Variants in CTDSPL observed in about 807,000 individuals in gnomAD.
The protein encoded by CTDSPL is CTD small phosphatase like.
Under a neutral mutation model 30.5 loss-of-function variants are expected in CTDSPL, and 8 were observed. The observed-to-expected ratio is 0.26, with a 90% CI of 0.15 to 0.47. The LOEUF (loss-of-function observed/expected upper bound fraction) is 0.47, where lower values mean the gene tolerates loss of function less well. Among genes scored for constraint, CTDSPL ranks in the 20% least tolerant of loss-of-function variants. The pLI is 0.99. For missense variants in CTDSPL, 248 were observed against 366.1 expected (o/e 0.68, Z 2.63); for synonymous variants, 110 against 137.9 (o/e 0.80, Z 1.42).
At chr3:37,964,435 T>C in intron 3 of CTDSPL, 136 bp from the exon 4 acceptor site, 1 of 557,242 alleles carries the variant, frequency 1.8e-6, no homozygotes. Flanking sequence ...AGTTGCAAAC[T>C]ACTTATTCCT....
chr3:37,870,835 G>A (rs1486967510), intron 1 of CTDSPL, among the ~76,000 whole-genome samples: 1 of 151,974 alleles, frequency 6.6e-6, no homozygotes, highest in African/African-American at 2.4e-5. Context: ...CAGCCATATT[G>A]AGCAGAAAGC....
intron 1 of CTDSPL, among the ~76,000 whole-genome samples, chr3:37,880,812 A>G (rs1338064746): frequency 1.3e-5 from 2 of 152,178 alleles, no homozygotes; most frequent in African/African-American, 4.8e-5. Flanking sequence ...ATCTCATTGT[A>G]TTGGTCAGAG....
chr3:37,884,699 G>C (rs1411054858), intron 1 of CTDSPL, among the ~76,000 whole-genome samples: 1 of 152,196 alleles, frequency 6.6e-6, no homozygotes, highest in Admixed American at 6.5e-5. Flanking sequence ...CTCAGACACA[G>C]AAGTTACCCT....
chr3:37,891,351 C>CTTCTCTGTACCCTACTTCTGT (rs1698323108), intron 1 of CTDSPL, among the ~76,000 whole-genome samples: 1 of 152,220 alleles, frequency 6.6e-6, no homozygotes, highest in Non-Finnish European at 1.5e-5. Context: ...CAGCCATTCA[C>CTTCTCTGTACCCTACTTCTGT]TTCTCTGTAC....
chr3:37,882,523 A>G (rs1199281160), intron 1 of CTDSPL, among the ~76,000 whole-genome samples: 1 of 151,922 alleles, frequency 6.6e-6, no homozygotes, highest in Non-Finnish European at 1.5e-5. Context: ...AGGCTGAGGC[A>G]GGAGAATCGC....
At chr3:37,969,718 G>T (rs894700984) in intron 5 of CTDSPL, among the ~76,000 whole-genome samples, 1 of 152,172 alleles carries the variant, frequency 6.6e-6, no homozygotes, top group Admixed American at 6.5e-5. Context: ...CCCTACCCCA[G>T]CCTCCCAGCT....
chr3:37,960,450 A>T (rs1699223317), intron 3 of CTDSPL, among the ~76,000 whole-genome samples: 1 of 126,022 alleles, frequency 7.9e-6, no homozygotes. Flanking sequence ...ATTGCACTCC[A>T]GCCTGGGCAA....
At chr3:37,946,412 C>T (rs534051536) in intron 1 of CTDSPL, among the ~76,000 whole-genome samples, 14 of 152,220 alleles carry the variant, frequency 9.2e-5, no homozygotes, top group Non-Finnish European at 1.9e-4. Context: ...CATCCAACAT[C>T]TCCTGCTGTT....
chr3:37,971,338 G>A, intron 5 of CTDSPL, 69 bp from the exon 6 acceptor site: 6 of 1,380,762 alleles, frequency 4.3e-6, no homozygotes, highest in Non-Finnish European at 6.1e-6. Flanking sequence ...CCTACAGTGG[G>A]CATTTGGGCC....
chr3:37,980,598 A>C, intron 7 of CTDSPL, 144 bp from the exon 8 acceptor site: 4 of 1,174,392 alleles, frequency 3.4e-6, no homozygotes, highest in East Asian at 2.7e-5. Context: ...GAACAAGGGA[A>C]CAAACAAAAT....
rs367739083 is a variant in CTDSPL, at chr3:37,946,487, T to C, written c.80-570T>C. Among the ~76,000 whole-genome samples, 4 of 152,204 alleles carry C rather than the reference T, an allele frequency of 2.6e-5. No homozygotes were observed. In the East Asian group the frequency reaches 7.7e-4, roughly 29 times the overall value. ...TCTGTGGATCCAGGCCCCCACCAAC[T>C]TCTTGACAAACTCTTGGCGAGTTTA... On this transcript the variant is annotated intron_variant, in intron 1 of 7. Coordinates refer to ENST00000273179, the MANE Select transcript of CTDSPL (RefSeq NM_001008392.2).
intron 1 of CTDSPL, among the ~76,000 whole-genome samples, chr3:37,939,006 G>A (rs1698946747): frequency 6.7e-6 from 1 of 150,006 alleles, no homozygotes; most frequent in Non-Finnish European, 1.5e-5. Flanking sequence ...AAACTTTACT[G>A]GATAGGAGGT....
chr3:37,960,505 AAT>A (rs1379736177), intron 3 of CTDSPL, among the ~76,000 whole-genome samples: 571 of 38,350 alleles, frequency 0.015, 11 homozygotes, highest in African/African-American at 0.019. Context: ...AAAAAAAAAA[AAT>A]ATATATATAT....
At chr3:37,960,492 A>T (rs1316240251) in intron 3 of CTDSPL, among the ~76,000 whole-genome samples, 4 of 59,444 alleles carry the variant, frequency 6.7e-5, no homozygotes, top group African/African-American at 3.1e-4. Context: ...AAAAAAAAAA[A>T]AAAAAAAAAA....
intron 1 of CTDSPL, among the ~76,000 whole-genome samples, chr3:37,938,721 C>G (rs1243738490): frequency 6.8e-6 from 1 of 147,556 alleles, no homozygotes; most frequent in Non-Finnish European, 1.5e-5. Flanking sequence ...TGCTCTGTTG[C>G]CCAGGCTGGA....
At chr3:37,969,831 C>A (rs1374614850) in intron 5 of CTDSPL, among the ~76,000 whole-genome samples, 1 of 152,208 alleles carries the variant, frequency 6.6e-6, no homozygotes, top group African/African-American at 2.4e-5. Context: ...TTCAGTCACC[C>A]ATGAATTTCC....
Position 37,862,847 on chromosome 3 carries a change from A to G in CTDSPL, c.79+569A>G, listed in dbSNP as rs1463080177. ...GGTTCTATGCCTGTTCACTCCTGAC[A>G]GAGTTTGTGAGTGTGTATGATTGTG... On this transcript the variant is annotated intron_variant, in intron 1 of 7. Coordinates refer to ENST00000273179, the MANE Select transcript of CTDSPL (RefSeq NM_001008392.2). The surrounding 1 kb of genome is among the most constrained non-coding windows in gnomAD (Gnocchi z 4.3). 6.6e-6 allele frequency among the ~76,000 whole-genome samples: 1 copy of G among 152,198 alleles called. No individual in the cohort carries two copies. The highest frequency in any genetic ancestry group is 1.5e-5 in the Non-Finnish European group (1 of 68,046).
chr3:37,877,948 C>T (rs936735004), intron 1 of CTDSPL, among the ~76,000 whole-genome samples: 2 of 152,212 alleles, frequency 1.3e-5, no homozygotes, highest in African/African-American at 4.8e-5. Flanking sequence ...CCGGGCCCCA[C>T]TGTCAACACT....
intron 1 of CTDSPL, among the ~76,000 whole-genome samples, chr3:37,871,863 T>C (rs1448742455): frequency 6.6e-6 from 1 of 152,218 alleles, no homozygotes; most frequent in Admixed American, 6.5e-5. Flanking sequence ...TGTCTTCAAA[T>C]TTGTTGGGTT....
Sources: allele counts gnomAD v4.1 joint callset (sites outside exome capture counted in the v4.1 genomes callset), GRCh38; gene constraint gnomAD v4.1.1; non-coding constraint Gnocchi (gnomAD v3.1); transcripts MANE v1.5; gene names NCBI Gene and HGNC (gene_info 2026-07-23, HGNC 2026-07-21).